Variants in FAM193A observed in about 807,000 individuals in gnomAD.
FAM193A encodes the protein family with sequence similarity 193 member A.
Under a neutral mutation model 126.5 loss-of-function variants are expected in FAM193A, and 22 were observed. The ratio of observed to expected loss-of-function variants is 0.17; its 90% CI spans 0.12 to 0.25. FAM193A has a LOEUF of 0.25. Ranked by LOEUF, FAM193A falls within the 10% of genes least tolerant of loss-of-function variation. The probability of loss-of-function intolerance (pLI) is 1.00; values close to 1 mark genes in which losing one functional copy is unlikely to be tolerated. For synonymous variants in FAM193A, 761 were observed against 646.8 expected (o/e 1.18, Z -2.68); for missense variants, 1,675 against 1,672.8 (o/e 1.00, Z -0.02).
chr4:2,558,493 C>G (rs1201629265), intron 1 of FAM193A, among the ~76,000 whole-genome samples: 1 of 152,116 alleles, frequency 6.6e-6, no homozygotes, highest in Non-Finnish European at 1.5e-5. Flanking sequence ...GAGATCCTCC[C>G]ACGTCAGGCT....
chr4:2,717,775 C>A (rs1719704538), intron 20 of FAM193A, among the ~76,000 whole-genome samples: 1 of 150,910 alleles, frequency 6.6e-6, no homozygotes, highest in South Asian at 2.1e-4. Context: ...AAAAAAAATT[C>A]CCCGAGTAGC....
intron 2 of FAM193A, among the ~76,000 whole-genome samples, chr4:2,613,663 A>T (rs1374980890): frequency 6.6e-6 from 1 of 151,804 alleles, no homozygotes; most frequent in East Asian, 1.9e-4. Flanking sequence ...CATGTTGGTC[A>T]GGCTGGTCTC....
chr4:2,726,038 A>G (rs558236813), intron 20 of FAM193A, among the ~76,000 whole-genome samples: 65 of 152,228 alleles, frequency 4.3e-4, no homozygotes, highest in African/African-American at 1.5e-3. Flanking sequence ...AGCTGCGACT[A>G]CAGGCGCCCG....
At chr4:2,724,845 AT>A (rs1720549091) in intron 20 of FAM193A, among the ~76,000 whole-genome samples, 2 of 152,212 alleles carry the variant, frequency 1.3e-5, no homozygotes, top group African/African-American at 4.8e-5. Flanking sequence ...GAAGAGAGGA[AT>A]TCAGTCAACT....
intron 12 of FAM193A, among the ~76,000 whole-genome samples, chr4:2,667,857 A>C (rs534590438): frequency 3.6e-4 from 55 of 152,238 alleles, no homozygotes; most frequent in African/African-American, 1.3e-3. Context: ...ATCTCTTGTG[A>C]ATGTCGTTAT....
At chr4:2,693,390 T>C (rs231709) in intron 15 of FAM193A, among the ~76,000 whole-genome samples, 196 bp from the exon 16 acceptor site, 120,045 of 152,162 alleles carry the variant, frequency 0.79, 47,479 homozygotes, top group Admixed American at 0.86. Flanking sequence ...GAGGTGAGTG[T>C]AACTTGCAGA....
At chr4:2,645,507 T>C (rs1745044797) in intron 6 of FAM193A, among the ~76,000 whole-genome samples, 1 of 152,024 alleles carries the variant, frequency 6.6e-6, no homozygotes, top group East Asian at 1.9e-4. Flanking sequence ...CATCTTGCCA[T>C]CTTTCTTTTT....
chr4:2,572,777 ATTT>A (rs533532132), intron 1 of FAM193A, among the ~76,000 whole-genome samples: 2 of 135,922 alleles, frequency 1.5e-5, no homozygotes. Flanking sequence ...CAGAGGAGGA[ATTT>A]TTTTTTTTTT....
rs147162190 is a variant in FAM193A at position 2,624,440 on chromosome 4, G to C, written c.502-822G>C. Among the ~76,000 whole-genome samples the C allele has an allele frequency of 2.0e-5, 3 of 152,144 alleles. 1 individual carries two copies. In the South Asian group the frequency reaches 6.2e-4, roughly 32 times the overall value. ...ATTATAGGCGTGAGCCACTGCCCCC[G>C]GCCAAGTGTTCTCTTTCTTAAGCCT... On this transcript the variant is annotated intron_variant, in intron 2 of 20. Coordinates refer to ENST00000637812, the MANE Select transcript of FAM193A (RefSeq NM_001366318.2).
At chr4:2,719,754 A>AAG (rs1340542836) in intron 20 of FAM193A, among the ~76,000 whole-genome samples, 1 of 150,396 alleles carries the variant, frequency 6.6e-6, no homozygotes, top group African/African-American at 2.5e-5. Context: ...AAAAAAAAAA[A>AAG]AAAATCCTCC....
chr4:2,632,133 T>C (rs975037502), intron 5 of FAM193A, among the ~76,000 whole-genome samples: 2 of 152,200 alleles, frequency 1.3e-5, no homozygotes, highest in Admixed American at 1.3e-4. Context: ...CCAAAGGTGG[T>C]ACAGGGCATC....
intron 2 of FAM193A, among the ~76,000 whole-genome samples, chr4:2,604,475 G>T (rs1741407696): frequency 6.6e-6 from 1 of 152,048 alleles, no homozygotes; most frequent in Non-Finnish European, 1.5e-5. Context: ...TCCTTAAAAA[G>T]TTTGTTTTGC....
chr4:2,724,164 T>G (rs1466171445), intron 20 of FAM193A, among the ~76,000 whole-genome samples: 1 of 152,220 alleles, frequency 6.6e-6, no homozygotes, highest in Non-Finnish European at 1.5e-5. Context: ...TAGTAAAATC[T>G]TTTAAACAGA....
In FAM193A at chr4:2,604,741, A is replaced by G. The variant is rs186359935; in HGVS notation, c.501+8412A>G. Among the ~76,000 whole-genome samples, 253 of 137,732 alleles carry G rather than the reference A, an allele frequency of 1.8e-3. 1 individual carries two copies. The highest frequency in any genetic ancestry group is 1.8e-3 in the Non-Finnish European group (115 of 63,172). 90.4% of individuals were successfully genotyped at this position (137,732 alleles called of 152,430 possible). A position where few individuals can be genotyped will look rare whatever the true frequency, so the allele number is the denominator to read the frequency against. Reference sequence around the variant, plus strand: ...TCTTATGCAGTATATATAGAGGTAGACTTTACGTGGTTTTAATTGAGAGTC... The same window carrying G: ...TCTTATGCAGTATATATAGAGGTAGGCTTTACGTGGTTTTAATTGAGAGTC... On this transcript the variant is annotated intron_variant, in intron 2 of 20. Transcript: ENST00000637812.
chr4:2,577,422 G>GTTTTTTTTTTGT (rs1553888653), intron 1 of FAM193A, among the ~76,000 whole-genome samples: 13 of 115,542 alleles, frequency 1.1e-4, no homozygotes, highest in Admixed American at 1.8e-4. Context: ...TTTTTTTTTT[G>GTTTTTTTTTTGT]TTTTTTTTTT....
At chr4:2,708,541 C>T (rs1177675825) in intron 19 of FAM193A, among the ~76,000 whole-genome samples, 1 of 151,906 alleles carries the variant, frequency 6.6e-6, no homozygotes, top group Non-Finnish European at 1.5e-5. Flanking sequence ...TGGATCACTG[C>T]AGCCTACGCC....
intron 13 of FAM193A, among the ~76,000 whole-genome samples, chr4:2,673,358 G>A (rs533925538): frequency 6.6e-6 from 1 of 152,266 alleles, no homozygotes; most frequent in African/African-American, 2.4e-5. Context: ...CCCTCTAGGG[G>A]TCACTGTGAA....
chr4:2,731,707 C>A, intron 20 of FAM193A, 68 bp from the exon 21 acceptor site: 1 of 1,239,636 alleles, frequency 8.1e-7, no homozygotes, highest in Non-Finnish European at 1.2e-6. Flanking sequence ...GTGTGATGGG[C>A]TTTGCCAAGC....
chr4:2,638,803 G>A (rs1332315789), intron 5 of FAM193A, among the ~76,000 whole-genome samples: 4 of 152,166 alleles, frequency 2.6e-5, no homozygotes, highest in South Asian at 2.1e-4. Context: ...TCTTTGTGTC[G>A]TTCATTTGCT....
Sources: allele counts gnomAD v4.1 joint callset (sites outside exome capture counted in the v4.1 genomes callset), GRCh38; gene constraint gnomAD v4.1.1; transcripts MANE v1.5; gene names NCBI Gene and HGNC (gene_info 2026-07-23, HGNC 2026-07-21).